Variants in SENP2 observed in about 807,000 individuals in gnomAD.
SENP2 encodes sentrin-specific protease 2.
A neutral mutation model predicts 86.3 loss-of-function variants in SENP2; 16 were observed. That is an observed-to-expected ratio of 0.19 (90% CI 0.13 to 0.28). The LOEUF (loss-of-function observed/expected upper bound fraction) is 0.28. Ranked by LOEUF, SENP2 falls within the 10% of genes least tolerant of loss-of-function variation. The pLI is 1.00. For synonymous variants in SENP2, 222 were observed against 238.7 expected (o/e 0.93, Z 0.64); for missense variants, 552 against 703.0 (o/e 0.79, Z 2.43).
intron 11 of SENP2, 92 bp downstream of exon 11, chr3:185,614,832 C>T: frequency 1.6e-6 from 2 of 1,232,166 alleles, no homozygotes; most frequent in African/African-American, 1.5e-5. Flanking sequence ...GGACTTTCTC[C>T]AGGCTAGGGG....
chr3:185,593,510 A>G (rs1314588530), intron 2 of SENP2, among the ~76,000 whole-genome samples: 2 of 152,192 alleles, frequency 1.3e-5, no homozygotes, highest in Non-Finnish European at 2.9e-5. Context: ...ATTTTAGGGG[A>G]TTCAACATTC....
intron 2 of SENP2, among the ~76,000 whole-genome samples, chr3:185,596,728 G>A (rs1269018542): frequency 2.0e-5 from 3 of 152,172 alleles, no homozygotes; most frequent in South Asian, 4.1e-4. Flanking sequence ...ACCTGCCTGG[G>A]AAGTAAGGAC....
At chr3:185,609,045 G>C (rs1465675351) in intron 6 of SENP2, 1 of 445,340 alleles carries the variant, frequency 2.2e-6, no homozygotes, top group African/African-American at 2.0e-5. Flanking sequence ...ATCTAAATGG[G>C]ATAGCCCTAC....
intron 16 of SENP2, among the ~76,000 whole-genome samples, chr3:185,628,798 G>A (rs893222477): frequency 6.6e-6 from 1 of 152,158 alleles, no homozygotes; most frequent in Non-Finnish European, 1.5e-5. Context: ...GAGCCACCGC[G>A]CCTGGCCAAG....
chr3:185,609,054 A>G, intron 6 of SENP2, 193 bp from the exon 7 acceptor site: 5 of 495,426 alleles, frequency 1.0e-5, no homozygotes, highest in Non-Finnish European at 1.4e-5. Flanking sequence ...GGATAGCCCT[A>G]CATATAGATT....
chr3:185,631,016 A>T lies in SENP2; in HGVS notation c.*1172A>T, dbSNP rs916481110. ...ATGGTTATAACTTCAGACAGTTTAG[A>T]GTTGGTCAGAACATATTTTGCAAGA... On this transcript the variant is annotated 3_prime_UTR_variant, in exon 17 of 17. Transcript: ENST00000296257. The T allele has an allele frequency of 1.3e-5, 2 of 152,182 alleles. No homozygotes were observed. The highest frequency in any genetic ancestry group is 4.8e-5 in the African/African-American group (2 of 41,428). 9.4% of individuals were successfully genotyped at this position (152,182 alleles called of 1,614,324 possible).
chr3:185,632,224 G>GTTTTTTTTTTTTTTTTT lies in SENP2; in HGVS notation c.*2392_*2393insTTTTTTTTTTTTTTTTT, dbSNP rs766556308. ...CATTAAAGCCAGTGGTTTTTTTTTT[G>GTTTTTTTTTTTTTTTTT]TTTTTTTTTTTTGTTTTTTTTTTTT... is the stretch of plus-strand genomic sequence containing the variant. On this transcript the variant is annotated 3_prime_UTR_variant, in exon 17 of 17. Coordinates refer to ENST00000296257, the MANE Select transcript of SENP2 (RefSeq NM_021627.3). The GTTTTTTTTTTTTTTTTT allele has an allele frequency of 5.6e-5, 4 of 71,900 alleles. No individual in the cohort carries two copies. Among genetic ancestry groups the GTTTTTTTTTTTTTTTTT allele is most frequent in the African/African-American group, 1.1e-4 (2 of 17,932 alleles). The allele number at this position is 71,900 out of a possible 1,614,324, so 4.5% of individuals were successfully genotyped here. A position where few individuals can be genotyped will look rare whatever the true frequency, so the allele number is the denominator to read the frequency against.
rs765111509 is a variant in SENP2, at chr3:185,606,541, C to T, written c.618+43C>T. On this transcript the variant is annotated intron_variant, in intron 6 of 16. Coordinates refer to ENST00000296257, the MANE Select transcript of SENP2 (RefSeq NM_021627.3). ...GATTTCTTTAAAAAAAATTTTACAGCTCTTCCCAAGGATGCTGCCTAGAGA... is the reference window on the plus strand; with the variant it reads ...GATTTCTTTAAAAAAAATTTTACAGTTCTTCCCAAGGATGCTGCCTAGAGA... 1.6e-5 allele frequency: 24 copies of T among 1,492,718 alleles called. No homozygotes were observed. In the East Asian group the frequency reaches 5.4e-4, roughly 33 times the overall value. The allele number at this position is 1,492,718 out of a possible 1,614,324, so 92.5% of individuals were successfully genotyped here.
chr3:185,599,773 G>T (rs2148983981), intron 4 of SENP2, among the ~76,000 whole-genome samples: 2 of 151,814 alleles, frequency 1.3e-5, no homozygotes, highest in South Asian at 2.1e-4. Flanking sequence ...CTGTGTCTGA[G>T]AAGCTAGTTC....
At chr3:185,612,063 A>G (rs1345522014) in intron 8 of SENP2, among the ~76,000 whole-genome samples, 1 of 151,910 alleles carries the variant, frequency 6.6e-6, no homozygotes. Flanking sequence ...AGGCTGAGGA[A>G]GTAGAATTGC....
intron 4 of SENP2, among the ~76,000 whole-genome samples, chr3:185,599,711 T>TAAA (rs1400800249): frequency 6.6e-6 from 1 of 152,118 alleles, no homozygotes; most frequent in African/African-American, 2.4e-5. Flanking sequence ...CAAACTGTTT[T>TAAA]AAAAAGTACC....
At chr3:185,599,580 G>A (rs889675242) in intron 4 of SENP2, among the ~76,000 whole-genome samples, 2 of 152,156 alleles carry the variant, frequency 1.3e-5, no homozygotes, top group Non-Finnish European at 2.9e-5. Flanking sequence ...TGCCACTCAG[G>A]AAGGCTTGTA....
In SENP2 at chr3:185,609,248, G is replaced by T. The variant is rs746425101; in HGVS notation, c.620G>T (p.Gly207Val). 2 of 1,606,918 alleles carry T rather than the reference G, an allele frequency of 1.2e-6. No individual in the cohort carries two copies. The highest frequency in any genetic ancestry group is 2.2e-5 in the East Asian group (1 of 44,784). The change falls in exon 7 of 17, where the codon GGT (glycine) becomes GTT (valine). Residue 207 changes from glycine to valine, a missense_variant and splice_region_variant. Physicochemically the swap from Gly to Val is moderately radical, Grantham distance 109 (BLOSUM62 -3). This residue lies in a region of SENP2 where 383 missense variants were observed against 427.3 expected (regional missense o/e 0.90). Transcript: ENST00000296257. ...TCTAACATGCTTTCTTTTATTTAGG[G>T]TGTTCAAAAAGAGGAAAGAGAGAAG... ...LRRPHCTVEEGVQKEEREKYR... is the reference protein window; with the variant it reads ...LRRPHCTVEEVVQKEEREKYR...
chr3:185,600,347 A>C (rs1344164570), intron 4 of SENP2, among the ~76,000 whole-genome samples: 1 of 152,188 alleles, frequency 6.6e-6, no homozygotes, highest in Non-Finnish European at 1.5e-5. Context: ...GGTTATCTGC[A>C]ACCCCTGGGA....
chr3:185,622,973 T>C (rs867529718), intron 14 of SENP2, among the ~76,000 whole-genome samples: 24 of 151,970 alleles, frequency 1.6e-4, no homozygotes, highest in African/African-American at 5.3e-4. Context: ...TCCGTCACTA[T>C]GCCCGGCTAA....
chr3:185,610,518 AAC>A (rs912836086), intron 7 of SENP2, among the ~76,000 whole-genome samples: 5 of 152,164 alleles, frequency 3.3e-5, no homozygotes, highest in African/African-American at 1.2e-4. Context: ...ATCAGTTGTG[AAC>A]TTTAAAAAAA....
chr3:185,624,864 TC>T (rs1345383908), intron 15 of SENP2, among the ~76,000 whole-genome samples: 1 of 126,000 alleles, frequency 7.9e-6, no homozygotes, highest in Non-Finnish European at 1.8e-5. Context: ...CGAGACTGTC[TC>T]AAAAAAAAAA....
chr3:185,609,430 CT>C, intron 7 of SENP2, 80 bp downstream of exon 7: 1 of 1,004,654 alleles, frequency 1.0e-6, no homozygotes. Context: ...GTGGGAAGGG[CT>C]TTACTGAAAG....
intron 2 of SENP2, among the ~76,000 whole-genome samples, chr3:185,593,387 T>TA (rs927976173): frequency 4.6e-5 from 7 of 152,220 alleles, no homozygotes; most frequent in African/African-American, 1.4e-4. Flanking sequence ...ATGTTGGGAT[T>TA]ACAGGCGTGA....
Sources: gnomAD v4.1 joint callset for allele counts (sites outside exome capture counted in the v4.1 genomes callset) on GRCh38, gnomAD v4.1.1 for gene constraint, gnomAD v4.1.1 regional missense constraint, MANE v1.5 for transcripts, NCBI Gene and HGNC (gene_info 2026-07-23, HGNC 2026-07-21) for gene names.